CERS4: variants seen among roughly 807,000 people sequenced by gnomAD.
The protein encoded by CERS4 is ceramide synthase 4, also known as LAG1 homolog, ceramide synthase 4.
In CERS4, 65 loss-of-function variants were observed where a neutral mutation model predicts 51.8. That is an observed-to-expected ratio of 1.26 (90% CI 1.03 to 1.54). CERS4 has a LOEUF of 1.54. CERS4 is among the 40% of genes most tolerant of loss of function. The pLI is 0.00. For synonymous variants in CERS4, 228 were observed against 208.4 expected, an observed-to-expected ratio of 1.09 and a Z score of -0.81; for missense variants, 563 against 500.4, an observed-to-expected ratio of 1.13 and a Z score of -1.19.
chr19:8,223,303 C>T (rs997193325), intron 2 of CERS4, among the ~76,000 whole-genome samples: 2 of 151,598 alleles, frequency 1.3e-5, no homozygotes, highest in African/African-American at 4.8e-5. Flanking sequence ...GACCTGGTCT[C>T]TACAAAAAAA....
At chr19:8,257,808 ATCC>A in intron 9 of CERS4, 68 bp from the exon 10 acceptor site, 1 of 1,208,922 alleles carries the variant, frequency 8.3e-7, no homozygotes, top group South Asian at 1.2e-5. Context: ...ACCTGGTCCC[ATCC>A]TATAGCACCT....
intron 2 of CERS4, among the ~76,000 whole-genome samples, chr19:8,213,482 T>C (rs938570314): frequency 4.6e-5 from 7 of 152,030 alleles, no homozygotes; most frequent in Middle Eastern, 3.2e-3. Context: ...AAAAAAAATT[T>C]TATACACATG....
In CERS4 at chr19:8,236,695, AAAAAAAGAAAG is replaced by A. The variant is rs1356566378; in HGVS notation, c.-1-14377_-1-14367del. ...CCCTGTCTTCTAAAAAAAAAAAAAAAAAAAAAGAAAGAAAGAAAAAACAGGGCTGGGCGTGG... is the reference window on the plus strand; with the variant it reads ...CCCTGTCTTCTAAAAAAAAAAAAAAAAAAGAAAAAACAGGGCTGGGCGTGG... On this transcript the variant is annotated intron_variant, in intron 2 of 11. Transcript: ENST00000251363. Among the ~76,000 whole-genome samples, 5 of 122,380 alleles carry A rather than the reference AAAAAAAGAAAG, an allele frequency of 4.1e-5. No homozygotes were observed. In the East Asian group the frequency reaches 9.6e-4, roughly 24 times the overall value. The allele number at this position is 122,380 out of a possible 152,430, so 80.3% of individuals were successfully genotyped here.
At chr19:8,225,417 C>CTT (rs35365775) in intron 2 of CERS4, among the ~76,000 whole-genome samples, 12 of 113,880 alleles carry the variant, frequency 1.1e-4, no homozygotes, top group South Asian at 2.8e-4. Flanking sequence ...TCCAATAATT[C>CTT]TTTTTTTTTT....
At chr19:8,240,098 T>TGATA (rs1968460870) in intron 2 of CERS4, among the ~76,000 whole-genome samples, 1 of 152,042 alleles carries the variant, frequency 6.6e-6, no homozygotes, top group Admixed American at 6.6e-5. Context: ...GAAATAAGAA[T>TGATA]GATAACACAG....
intron 10 of CERS4, among the ~76,000 whole-genome samples, chr19:8,259,940 T>C (rs2927713): frequency 0.33 from 50,231 of 151,588 alleles, 8,590 homozygotes; most frequent in African/African-American, 0.42. Context: ...ATTACATCCC[T>C]CCTCTGGCTG....
chr19:8,243,751 A>C (rs1474390742), intron 2 of CERS4, among the ~76,000 whole-genome samples: 1 of 151,800 alleles, frequency 6.6e-6, no homozygotes, highest in Non-Finnish European at 1.5e-5. Flanking sequence ...CTCACTGACA[A>C]GTCCTACCCA....
At chr19:8,234,918 A>G (rs1474576338) in intron 2 of CERS4, among the ~76,000 whole-genome samples, 1 of 151,868 alleles carries the variant, frequency 6.6e-6, no homozygotes, top group Admixed American at 6.6e-5. Context: ...GGAATCATAC[A>G]GGATTTGTCC....
intron 2 of CERS4, among the ~76,000 whole-genome samples, chr19:8,224,263 C>T (rs980567233): frequency 1.3e-5 from 2 of 151,562 alleles, no homozygotes; most frequent in African/African-American, 4.9e-5. Context: ...AATAATTAGC[C>T]GGGTGTGGTG....
At chr19:8,249,303 G>A (rs76393029) in intron 2 of CERS4, among the ~76,000 whole-genome samples, 1,929 of 152,172 alleles carry the variant, frequency 0.013, 47 homozygotes, top group African/African-American at 0.045. Context: ...GTGGACAGAC[G>A]AATGAACGAA....
At chr19:8,257,127 C>T (rs770258659) in intron 9 of CERS4, 50 bp downstream of exon 9, 7 of 1,527,974 alleles carry the variant, frequency 4.6e-6, no homozygotes, top group Middle Eastern at 4.1e-4. Flanking sequence ...CCCAGCCCTC[C>T]CAGGTGCCCC....
At chr19:8,215,429 A>G (rs1013454693) in intron 2 of CERS4, among the ~76,000 whole-genome samples, 2 of 151,664 alleles carry the variant, frequency 1.3e-5, no homozygotes, top group Non-Finnish European at 2.9e-5. Context: ...CAGTGAGCAG[A>G]GATCACACCA....
At chr19:8,251,366 A>C in intron 3 of CERS4, 117 bp downstream of exon 3, 1 of 1,434,962 alleles carries the variant, frequency 7.0e-7, no homozygotes. Context: ...TTTGCACCAA[A>C]GCGCGTTCCC....
chr19:8,256,748 G>T (rs370310081), intron 8 of CERS4, 38 bp downstream of exon 8: 354 of 1,599,576 alleles, frequency 2.2e-4, no homozygotes, highest in Non-Finnish European at 2.9e-4. Flanking sequence ...CCAGTCTCTG[G>T]CCGGGATGCT....
Position 8,261,706 on chromosome 19 carries a change from C to G in CERS4, c.867C>G (p.Tyr289Ter). The change falls in exon 11 of 12, where the codon TAC (tyrosine) becomes TAG (stop). Residue 289 changes from tyrosine to a stop codon, truncating the protein, a stop_gained. Transcript: ENST00000251363. LOFTEE classifies it high-confidence loss of function. ...LFPTQILYTT[Y>*]YESISNRGPF... ...GCTGTAGGATCCTCTACACCACATA[C>G]TACGAGTCCATCAGCAACAGGGGCC... 1 of 1,614,130 alleles carries G rather than the reference C, an allele frequency of 6.2e-7. No homozygotes were observed. The highest frequency in any genetic ancestry group is 8.5e-7 in the Non-Finnish European group (1 of 1,180,020).
chr19:8,211,076 C>T (rs1967066847), intron 2 of CERS4, among the ~76,000 whole-genome samples: 1 of 152,176 alleles, frequency 6.6e-6, no homozygotes, highest in South Asian at 2.1e-4. Flanking sequence ...AGGGTTCTAA[C>T]GCCCGGTGGG....
intron 3 of CERS4, among the ~76,000 whole-genome samples, chr19:8,253,424 A>C (rs896602532): frequency 3.9e-4 from 51 of 132,118 alleles, no homozygotes; most frequent in African/African-American, 1.1e-3. Flanking sequence ...GCACACCCTC[A>C]CCCTACAGAC....
At chr19:8,213,932 C>G (rs1967182761) in intron 2 of CERS4, among the ~76,000 whole-genome samples, 1 of 152,282 alleles carries the variant, frequency 6.6e-6, no homozygotes, top group African/African-American at 2.4e-5. Flanking sequence ...CACTACTGCA[C>G]TACTGCACTC....
At position 8,256,768 on chromosome 19, in the gene CERS4, G is replaced by C. The variant is rs1839770966; in HGVS notation, c.612+58G>C. On this transcript the variant is annotated intron_variant, in intron 8 of 11. Transcript: ENST00000251363. ...CTCTGGCCGGGATGCTGGGGTGCTG[G>C]GGGGTAGGGCAGCCTTACAACCGCA... 8.8e-6 allele frequency: 14 copies of C among 1,585,532 alleles called. No individual in the cohort carries two copies. The South Asian group carries it at 1.5e-4, about 17-fold the overall frequency.
Sources: gnomAD v4.1 joint callset for allele counts (sites outside exome capture counted in the v4.1 genomes callset) on GRCh38, gnomAD v4.1.1 for gene constraint, MANE v1.5 for transcripts, NCBI Gene and HGNC (gene_info 2026-07-23, HGNC 2026-07-21) for gene names.